AGBL5: variants seen among roughly 807,000 people sequenced by gnomAD.
The protein encoded by AGBL5 is AGBL carboxypeptidase 5, also known as cytosolic carboxypeptidase-like protein 5.
AGBL5 carries 51 observed loss-of-function variants against 88.0 expected under a neutral mutation model. That is an observed-to-expected ratio of 0.58 (90% CI 0.46 to 0.73). The LOEUF (loss-of-function observed/expected upper bound fraction) is 0.73. Ranked by LOEUF, AGBL5 falls within the 30% of genes least tolerant of loss-of-function variation. The pLI, the probability that AGBL5 is intolerant of heterozygous loss-of-function variation, is 0.00. For synonymous variants in AGBL5, 446 were observed against 438.8 expected, an observed-to-expected ratio of 1.02 and a Z score of -0.21; for missense variants, 1,031 against 1,162.2, an observed-to-expected ratio of 0.89 and a Z score of 1.64.
chr2:27,060,623 G>A (rs1156556530), intron 11 of AGBL5, among the ~76,000 whole-genome samples: 1 of 152,188 alleles, frequency 6.6e-6, no homozygotes, highest in Non-Finnish European at 1.5e-5. Flanking sequence ...CCAGACATGT[G>A]CTGTGTCAGT....
chr2:27,055,262 C>G lies in AGBL5; in HGVS notation c.908+9C>G. 2 of 1,613,348 alleles carry G rather than the reference C, an allele frequency of 1.2e-6. No homozygotes were observed. The highest frequency in any genetic ancestry group is 1.7e-6 in the Non-Finnish European group (2 of 1,179,442). On this transcript the variant is annotated intron_variant, in intron 6 of 14. Transcript: ENST00000360131. ...GTCCGGGGACACTACCGGTAAGTGG[C>G]TTCCCCAGCCTGTCTGGACTGTTCC...
In AGBL5 at chr2:27,055,821, C is replaced by T. The variant is rs756801984; in HGVS notation, c.1048C>T (p.His350Tyr). 20 of 1,614,212 alleles carry T rather than the reference C, an allele frequency of 1.2e-5. No homozygotes were observed. Among genetic ancestry groups the T allele is most frequent in the Non-Finnish European group, 1.7e-5 (20 of 1,180,048 alleles). Residue 350 changes from histidine to tyrosine, a missense_variant, in exon 7 of 15, where the codon CAC becomes TAC. His to Tyr is a moderately conservative substitution (Grantham distance 83, BLOSUM62 2). Transcript: ENST00000360131. Reference protein sequence around the residue: ...SRLNSQSSSEHQPSSCLPPDA... With the variant: ...SRLNSQSSSEYQPSSCLPPDA... ...TCTGAACTCCCAGAGTTCCTCTGAGCACCAGCCCAGTTCCTGTCTCCCTCC... is the reference window on the plus strand; with the variant it reads ...TCTGAACTCCCAGAGTTCCTCTGAGTACCAGCCCAGTTCCTGTCTCCCTCC...
At position 27,059,338 on chromosome 2, in the gene AGBL5, G is replaced by T; in HGVS notation, c.2023G>T (p.Ala675Ser). Residue 675 changes from alanine (A) to serine (S), a missense_variant, in exon 11 of 15, where the codon GCA becomes TCA. By Grantham distance (99) the Ala-to-Ser change is moderately conservative. Around this residue, in one of 2 missense-constraint regions of AGBL5, gnomAD observed 491 missense variants for 484.0 expected, o/e 1.01. Transcript: ENST00000360131. ...CTTTCCTTTTCATGGCAGTCGGCCT[G>T]CAGGGCTGCCAGGCCTGGGCTCTAG... is the stretch of plus-strand genomic sequence containing the variant. ...PSFPFHGSRP[A>S]GLPGLGSSTQ... 1.2e-6 allele frequency: 2 copies of T among 1,614,242 alleles called. No homozygotes were observed. Among genetic ancestry groups the T allele is most frequent in the Non-Finnish European group, 8.5e-7 (1 of 1,180,048 alleles).
rs144135243 is a variant in AGBL5, at chr2:27,053,947, C to T, written c.439C>T (p.Arg147Cys). The T allele has an allele frequency of 2.0e-4, 317 of 1,614,090 alleles. 1 individual carries two copies. The highest frequency in any genetic ancestry group is 1.2e-3 in the South Asian group (109 of 91,076). Residue 147 changes from arginine to cysteine, a missense_variant, in exon 4 of 15, where the codon CGT becomes TGT. By Grantham distance (180) the Arg-to-Cys change is radical. Around this residue, in one of 2 missense-constraint regions of AGBL5, gnomAD observed 540 missense variants for 678.2 expected, o/e 0.80. Transcript: ENST00000360131. The surrounding 1 kb of genome is among the most constrained non-coding windows in gnomAD (Gnocchi z 4.9). ...LSFVHRFVEG[R>C]GATTFFAFCY... Reference sequence around the variant, plus strand: ...CTTTGTTCATCGTTTCGTGGAGGGCCGTGGGGCCACCACCTTCTTCGCCTT... The same window carrying T: ...CTTTGTTCATCGTTTCGTGGAGGGCTGTGGGGCCACCACCTTCTTCGCCTT...
At chr2:27,067,810 T>C (rs1284447084) in intron 12 of AGBL5, 164 bp downstream of exon 12, 2 of 787,058 alleles carry the variant, frequency 2.5e-6, no homozygotes, top group African/African-American at 3.4e-5. Flanking sequence ...TATTAATGTG[T>C]CTGTGTAATA....
intron 13 of AGBL5, chr2:27,069,026 C>T (rs1425966340): frequency 2.7e-5 from 38 of 1,400,482 alleles, no homozygotes. Context: ...CTGCCCTTAG[C>T]TTCTCCTCTC....
chr2:27,062,638 A>C (rs748351396), intron 11 of AGBL5: 5 of 152,266 alleles, frequency 3.3e-5, no homozygotes, highest in Non-Finnish European at 5.9e-5. Flanking sequence ...ACAACATGAG[A>C]GCGCACAAAC....
intron 10 of AGBL5, 31 bp downstream of exon 10, chr2:27,058,633 G>GT: frequency 6.2e-7 from 1 of 1,608,942 alleles, no homozygotes; most frequent in Non-Finnish European, 8.5e-7. Context: ...GGGAGAAAGG[G>GT]TAGGACAGTG....
intron 6 of AGBL5, 58 bp from the exon 7 acceptor site, chr2:27,055,624 G>C: frequency 1.3e-6 from 2 of 1,487,416 alleles, no homozygotes; most frequent in Non-Finnish European, 9.2e-7. Context: ...ATCTACACTA[G>C]TGTCTCCTTC....
At chr2:27,051,482 G>C (rs961936238), upstream of AGBL5, 2 of 152,212 alleles carry the variant, frequency 1.3e-5, no homozygotes, top group East Asian at 3.8e-4. Flanking sequence ...GCCGTTAACC[G>C]TCTTCCGGAA....
chr2:27,051,286 A>G (rs1268860114), upstream of AGBL5: 1 of 152,230 alleles, frequency 6.6e-6, no homozygotes, highest in African/African-American at 2.4e-5. Flanking sequence ...CGCATCCTCC[A>G]CTCAGCTTTT....
At chr2:27,054,487 C>T in intron 4 of AGBL5, 143 bp from the exon 5 acceptor site, 1 of 747,818 alleles carries the variant, frequency 1.3e-6, no homozygotes, top group Non-Finnish European at 2.2e-6. Flanking sequence ...AAATCCTTAG[C>T]CTCATTTAAC....
intron 11 of AGBL5, among the ~76,000 whole-genome samples, chr2:27,066,997 C>T (rs868408151): frequency 2.0e-5 from 3 of 151,982 alleles, no homozygotes; most frequent in South Asian, 2.1e-4. Flanking sequence ...GCAGGAGAAT[C>T]GCTTGAACCC....
intron 13 of AGBL5, 28 bp from the exon 14 acceptor site, chr2:27,069,545 C>T: frequency 6.3e-7 from 1 of 1,598,734 alleles, no homozygotes; most frequent in Admixed American, 1.7e-5. Flanking sequence ...AAGAATCCAG[C>T]CTCTTAGCGC....
chr2:27,052,785 AAGAG>A, intron 1 of AGBL5, 124 bp from the exon 2 acceptor site: 1 of 514,616 alleles, frequency 1.9e-6, no homozygotes. Flanking sequence ...TATGTTTTCT[AAGAG>A]GGAGACAGCC....
rs916976373 is a variant in AGBL5, at chr2:27,070,092, G to A, written c.2490G>A (p.Gly830=). 1.9e-6 allele frequency: 3 copies of A among 1,609,316 alleles called. No individual in the cohort carries two copies. Among genetic ancestry groups the A allele is most frequent in the South Asian group, 2.2e-5 (2 of 90,924 alleles). The change falls in exon 15 of 15, where the codon GGG becomes GGA. Residue 830 remains glycine, a splice_region_variant and synonymous_variant. Coordinates refer to ENST00000360131, the MANE Select transcript of AGBL5 (RefSeq NM_021831.6). ...GATTCCTCTCTCTTTTCTGTTGCAGGCTGCCTCAGGCCAGGCCCCCACGGC... is the reference window on the plus strand; with the variant it reads ...GATTCCTCTCTCTTTTCTGTTGCAGACTGCCTCAGGCCAGGCCCCCACGGC... ...LELGSCSATP[G]LPQARPPRPR...
rs1205148082 is a variant in AGBL5 at position 27,053,213 on chromosome 2, C to T, written c.215+40C>T. On this transcript the variant is annotated intron_variant, in intron 2 of 14. Transcript: ENST00000360131. The surrounding 1 kb of genome is among the most constrained non-coding windows in gnomAD (Gnocchi z 4.9). The stretch of plus-strand genomic sequence containing the variant: ...ATGGAGGGTGGAAAAAGGCTCCAAA[C>T]CCATGCTTCAGTTAGCCCTCTGACT... The T allele has an allele frequency of 6.5e-7, 1 of 1,547,376 alleles. No individual in the cohort carries two copies. Among genetic ancestry groups the T allele is most frequent in the East Asian group, 2.3e-5 (1 of 44,218 alleles).
In AGBL5 at chr2:27,053,285, T is replaced by C; in HGVS notation, c.215+112T>C. On this transcript the variant is annotated intron_variant, in intron 2 of 14. Coordinates refer to ENST00000360131, the MANE Select transcript of AGBL5 (RefSeq NM_021831.6). The surrounding 1 kb of genome is among the most constrained non-coding windows in gnomAD (Gnocchi z 4.9). The stretch of plus-strand genomic sequence containing the variant: ...CTCCCTGTCCATTTCTGACCCATCG[T>C]CCCTCCTTTCTCCTTGCCAAATAGC... 6.6e-7 allele frequency: 1 copy of C among 1,521,762 alleles called. No individual in the cohort carries two copies. Among genetic ancestry groups the C allele is most frequent in the East Asian group, 2.3e-5 (1 of 44,092 alleles). The allele number at this position is 1,521,762 out of a possible 1,614,324, so 94.3% of individuals were successfully genotyped here. A position where few individuals can be genotyped will look rare whatever the true frequency, so the allele number is the denominator to read the frequency against.
chr2:27,054,612 A>ATTTTTTTTT lies in AGBL5; in HGVS notation c.552-17_552-9dup. 6.3e-7 allele frequency: 1 copy of ATTTTTTTTT among 1,597,352 alleles called. No individual in the cohort carries two copies. Among genetic ancestry groups the ATTTTTTTTT allele is most frequent in the Admixed American group, 1.7e-5 (1 of 58,530 alleles). ...GACTTTAGGGACTTCTCCTGGCTTA[A>ATTTTTTTTT]TTTTTTTTTCCCTGTAGCCCCCTGG... On this transcript the variant is annotated splice_polypyrimidine_tract_variant and intron_variant, in intron 4 of 14. Transcript: ENST00000360131.
Sources: gnomAD v4.1 joint callset for allele counts (sites outside exome capture counted in the v4.1 genomes callset) on GRCh38, gnomAD v4.1.1 for gene constraint, gnomAD v4.1.1 regional missense constraint, Gnocchi (gnomAD v3.1) non-coding constraint, MANE v1.5 for transcripts, NCBI Gene and HGNC (gene_info 2026-07-23, HGNC 2026-07-21) for gene names.